Variants in TMEM178A observed in about 807,000 individuals in gnomAD.
TMEM178A encodes transmembrane protein 178.
Under a neutral mutation model 29.1 loss-of-function variants are expected in TMEM178A, and 12 were observed. The ratio of observed to expected loss-of-function variants is 0.41; its 90% CI spans 0.26 to 0.67. TMEM178A has a LOEUF of 0.67. Ranked by LOEUF, TMEM178A falls within the 30% of genes least tolerant of loss-of-function variation. TMEM178A has a pLI of 0.29. For missense variants in TMEM178A, 366 were observed against 419.1 expected, an observed-to-expected ratio of 0.87 and a Z score of 1.11; for synonymous variants, 210 against 187.2, an observed-to-expected ratio of 1.12 and a Z score of -0.99.
chr2:39,726,420 TGA>T, the TMEM178A span, among the ~76,000 whole-genome samples: 1 of 152,006 alleles, frequency 6.6e-6, no homozygotes, highest in African/African-American at 2.4e-5. Context: ...AGAATGAAAG[TGA>T]GAGTGTTGAG....
At chr2:39,732,065 A>T in the TMEM178A span, among the ~76,000 whole-genome samples, 1 of 151,982 alleles carries the variant, frequency 6.6e-6, no homozygotes, top group Non-Finnish European at 1.5e-5. Flanking sequence ...ATCCATCTAA[A>T]CTGATACTCA....
the TMEM178A span, among the ~76,000 whole-genome samples, chr2:39,731,576 A>G: frequency 2.0e-5 from 3 of 152,224 alleles, no homozygotes; most frequent in African/African-American, 4.8e-5. Flanking sequence ...AGCTCCCTCA[A>G]GAGGGCATTG....
intron 1 of TMEM178A, among the ~76,000 whole-genome samples, chr2:39,666,912 G>A (rs1341853110): frequency 6.6e-6 from 1 of 152,236 alleles, no homozygotes; most frequent in East Asian, 1.9e-4. Flanking sequence ...AGACGGAACT[G>A]ATGTGGTCAT....
chr2:39,673,877 AT>A (rs550025317), intron 1 of TMEM178A, among the ~76,000 whole-genome samples: 29 of 151,832 alleles, frequency 1.9e-4, no homozygotes, highest in African/African-American at 5.6e-4. Context: ...GTTAAAAATG[AT>A]TTTTTTTTAA....
chr2:39,695,870 T>C (rs1671518104), intron 1 of TMEM178A, among the ~76,000 whole-genome samples: 1 of 152,154 alleles, frequency 6.6e-6, no homozygotes, highest in Admixed American at 6.5e-5. Flanking sequence ...TTAAAACATT[T>C]AAATAAACAA....
Position 39,666,333 on chromosome 2 carries a change from T to A in TMEM178A, c.359T>A (p.Phe120Tyr), listed in dbSNP as rs762509248. The change falls in exon 1 of 4, where the codon TTC becomes TAC. Residue 120 changes from phenylalanine to tyrosine, a missense_variant. Around this residue, in one of 2 missense-constraint regions of TMEM178A, gnomAD observed 247 missense variants for 246.8 expected, o/e 1.00. Transcript: ENST00000281961. ...TCGGGCCTCTGGAGGAAGTGCTACTTCCTGGGCATCGACCGGGACATCGAC... is the reference window on the plus strand; with the variant it reads ...TCGGGCCTCTGGAGGAAGTGCTACTACCTGGGCATCGACCGGGACATCGAC... ...TYSGLWRKCY[F>Y]LGIDRDIDTL... 1 of 1,450,170 alleles carries A rather than the reference T, an allele frequency of 6.9e-7. No homozygotes were observed. Among genetic ancestry groups the A allele is most frequent in the Non-Finnish European group, 9.1e-7 (1 of 1,101,126 alleles). 89.8% of individuals were successfully genotyped at this position (1,450,170 alleles called of 1,614,324 possible). A position where few individuals can be genotyped will look rare whatever the true frequency, so the allele number is the denominator to read the frequency against.
At chr2:39,725,243 A>G in the TMEM178A span, among the ~76,000 whole-genome samples, 1 of 152,190 alleles carries the variant, frequency 6.6e-6, no homozygotes, top group Admixed American at 6.5e-5. Context: ...CTACAAAACC[A>G]GTTCCTTTGA....
Position 39,713,031 on chromosome 2 carries a change from C to T in TMEM178A, c.653-3979C>T, listed in dbSNP as rs17024219. ...TTCAGTTTCGTTCAGGTTTTCTTCA[C>T]TCCATGTGCTCAGCTCTGTTGGACT... On this transcript the variant is annotated intron_variant, in intron 3 of 3. Transcript: ENST00000281961. Among the ~76,000 whole-genome samples, 804 of 152,300 alleles carry T rather than the reference C, an allele frequency of 5.3e-3. 7 individuals carry two copies. The highest frequency in any genetic ancestry group is 0.018 in the African/African-American group (759 of 41,560).
At chr2:39,681,184 G>C (rs4670954) in intron 1 of TMEM178A, among the ~76,000 whole-genome samples, 60,222 of 152,026 alleles carry the variant, frequency 0.4, 13,108 homozygotes, top group East Asian at 0.76. Flanking sequence ...ACGTGGCAAT[G>C]ATTATAATGG....
chr2:39,697,236 G>A (rs1338327667), intron 1 of TMEM178A, among the ~76,000 whole-genome samples: 1 of 152,122 alleles, frequency 6.6e-6, no homozygotes, highest in Non-Finnish European at 1.5e-5. Context: ...AGCAACTACA[G>A]GTCTTTCCCT....
chr2:39,718,766 C>T (rs920324090), downstream of TMEM178A, among the ~76,000 whole-genome samples: 1 of 151,960 alleles, frequency 6.6e-6, no homozygotes, highest in African/African-American at 2.4e-5. Context: ...TATCTTTCAG[C>T]GGAGGGTGGG....
chr2:39,677,392 C>T (rs1048138573), intron 1 of TMEM178A, among the ~76,000 whole-genome samples: 1 of 152,160 alleles, frequency 6.6e-6, no homozygotes, highest in Admixed American at 6.5e-5. Context: ...CTTCCCAGTG[C>T]ATCTATAAAT....
At chr2:39,724,154 A>G in the TMEM178A span, among the ~76,000 whole-genome samples, 1 of 152,160 alleles carries the variant, frequency 6.6e-6, no homozygotes, top group Non-Finnish European at 1.5e-5. Flanking sequence ...ACAGAACATT[A>G]TGAGAAATTC....
At chr2:39,676,428 A>G (rs922499717) in intron 1 of TMEM178A, among the ~76,000 whole-genome samples, 1 of 152,176 alleles carries the variant, frequency 6.6e-6, no homozygotes, top group Non-Finnish European at 1.5e-5. Context: ...TCTGTGAGTG[A>G]GCTAGGAAAC....
upstream of TMEM178A, chr2:39,665,610 G>A (rs1159103001): frequency 1.3e-5 from 3 of 225,500 alleles, no homozygotes; most frequent in Non-Finnish European, 1.7e-5. Flanking sequence ...AAGGGGGGTC[G>A]CTGGAGAGGA....
chr2:39,698,326 G>A (rs1671640599), intron 1 of TMEM178A, among the ~76,000 whole-genome samples: 1 of 152,192 alleles, frequency 6.6e-6, no homozygotes, highest in African/African-American at 2.4e-5. Context: ...ATTTAGTGTA[G>A]TTAATAATAC....
At chr2:39,692,365 A>T (rs1671351324) in intron 1 of TMEM178A, among the ~76,000 whole-genome samples, 1 of 152,210 alleles carries the variant, frequency 6.6e-6, no homozygotes, top group Non-Finnish European at 1.5e-5. Flanking sequence ...GGTGTGATGG[A>T]TATATTAATT....
the TMEM178A span, among the ~76,000 whole-genome samples, chr2:39,729,430 TG>T: frequency 6.6e-6 from 1 of 152,220 alleles, no homozygotes; most frequent in African/African-American, 2.4e-5. Flanking sequence ...GCTGGTGTTC[TG>T]GTTTCTGCCT....
chr2:39,723,053 C>T, the TMEM178A span, among the ~76,000 whole-genome samples: 1 of 152,172 alleles, frequency 6.6e-6, no homozygotes, highest in African/African-American at 2.4e-5. Context: ...GCCTGGGCTC[C>T]CTTGACTTGC....
Sources: gnomAD v4.1 joint callset for allele counts (sites outside exome capture counted in the v4.1 genomes callset) on GRCh38, gnomAD v4.1.1 for gene constraint, gnomAD v4.1.1 regional missense constraint, MANE v1.5 for transcripts, NCBI Gene and HGNC (gene_info 2026-07-23, HGNC 2026-07-21) for gene names.